The following UBXN7 variants were observed in gnomAD, a reference collection of about 807,000 sequenced individuals.
The protein encoded by UBXN7 is UBX domain-containing protein 7.
A neutral mutation model predicts 58.0 loss-of-function variants in UBXN7; 9 were observed. The observed-to-expected ratio is 0.16, with a 90% CI of 0.09 to 0.27. The LOEUF is 0.27. UBXN7 is among the 10% of genes least tolerant of loss of function. The pLI is 1.00. For missense variants in UBXN7, 328 were observed against 599.6 expected (o/e 0.55, Z 4.73); for synonymous variants, 208 against 205.0 (o/e 1.01, Z -0.12).
chr3:196,348,661 C>T lies in UBXN7; in HGVS notation c.*8024G>A, dbSNP rs1728139465. The T allele has an allele frequency of 6.6e-6, 1 of 152,160 alleles. No homozygotes were observed. The allele number at this position is 152,160 out of a possible 1,614,324, so 9.4% of individuals were successfully genotyped here. ...ACTCAAGCCCCCAACCCACCCTCAT[C>T]ATCCCTATCCCCCTAGAAATTTCAT... On this transcript the variant is annotated 3_prime_UTR_variant, in exon 11 of 11. Transcript: ENST00000296328.
rs781238331 is a variant in UBXN7 at position 196,374,213 on chromosome 3, G to GA, written c.469-2172dup. On this transcript the variant is annotated intron_variant, in intron 5 of 10. Transcript: ENST00000296328. ...AAGTCTGCCCCAAAAACAATGACAA[G>GA]AAAAAAATGTACAAAACTGAAAATG... Among the ~76,000 whole-genome samples, 8 of 150,682 alleles carry GA rather than the reference G, an allele frequency of 5.3e-5. No homozygotes were observed. The East Asian group carries it at 1.6e-3, about 29-fold the overall frequency.
At chr3:196,373,729 A>C (rs1029812516) in intron 5 of UBXN7, among the ~76,000 whole-genome samples, 2 of 151,726 alleles carry the variant, frequency 1.3e-5, no homozygotes, top group Admixed American at 1.3e-4. Flanking sequence ...TTTGTTGTTT[A>C]TATTTTTTGT....
At chr3:196,397,013 T>TA (rs1445683846) in intron 3 of UBXN7, among the ~76,000 whole-genome samples, 1 of 152,176 alleles carries the variant, frequency 6.6e-6, no homozygotes, top group Non-Finnish European at 1.5e-5. Context: ...CTTGGGCTAA[T>TA]AACCCTCTTC....
In UBXN7 at chr3:196,391,867, A is replaced by C. The variant is rs776063488; in HGVS notation, c.414T>G (p.Leu138=). ...CAATGGGTGGCCGGAATAGATCTGC[A>C]AGGGTAGTTAATTTCTTATCGATAG... The part of the protein sequence containing the change: ...GGAIDKKLTT[L]ADLFRPPIDL... The change falls in exon 5 of 11, where the codon CTT becomes CTG. Residue 138 remains leucine (L), a synonymous_variant. Coordinates refer to ENST00000296328, the MANE Select transcript of UBXN7 (RefSeq NM_015562.2). 3 of 1,613,352 alleles carry C rather than the reference A, an allele frequency of 1.9e-6. No homozygotes were observed. Among genetic ancestry groups the C allele is most frequent in the Non-Finnish European group, 2.5e-6 (3 of 1,179,750 alleles).
chr3:196,362,819 G>C (rs1728540079), intron 8 of UBXN7, 132 bp from the exon 9 acceptor site: 1 of 1,178,296 alleles, frequency 8.5e-7, no homozygotes, highest in East Asian at 2.4e-5. Flanking sequence ...TACTTTAAGA[G>C]CAAGGACTGT....
At chr3:196,414,960 G>T (rs1469166796) in intron 1 of UBXN7, among the ~76,000 whole-genome samples, 2 of 152,080 alleles carry the variant, frequency 1.3e-5, no homozygotes, top group Non-Finnish European at 2.9e-5. Context: ...GAAAGGAAAA[G>T]TTCTAATATC....
At chr3:196,390,452 T>C (rs1471458146) in intron 5 of UBXN7, among the ~76,000 whole-genome samples, 2 of 151,968 alleles carry the variant, frequency 1.3e-5, no homozygotes, top group Non-Finnish European at 2.9e-5. Flanking sequence ...AGGTAAGACT[T>C]AACTGAAGGC....
intron 8 of UBXN7, among the ~76,000 whole-genome samples, chr3:196,363,980 A>G (rs1169637132): frequency 2.0e-5 from 3 of 152,130 alleles, no homozygotes; most frequent in Non-Finnish European, 2.9e-5. Flanking sequence ...TTACCTGCCT[A>G]GAGAAAGACA....
intron 1 of UBXN7, among the ~76,000 whole-genome samples, chr3:196,408,912 G>C (rs4130659): frequency 0.077 from 11,647 of 152,172 alleles, 526 homozygotes; most frequent in Middle Eastern, 0.15. Flanking sequence ...GAATTCAATG[G>C]ACTTCTACCA....
intron 5 of UBXN7, among the ~76,000 whole-genome samples, chr3:196,389,809 C>T (rs549733668): frequency 1.3e-5 from 2 of 152,282 alleles, no homozygotes; most frequent in South Asian, 4.1e-4. Context: ...CACAAGCTTA[C>T]ATTGAAATTC....
chr3:196,390,540 G>C (rs539383889), intron 5 of UBXN7, among the ~76,000 whole-genome samples: 3 of 152,074 alleles, frequency 2.0e-5, no homozygotes, highest in African/African-American at 7.2e-5. Context: ...AGGAGTTTGA[G>C]ACCAGCCTGG....
At chr3:196,377,886 G>A (rs1469621149) in intron 5 of UBXN7, among the ~76,000 whole-genome samples, 4 of 151,990 alleles carry the variant, frequency 2.6e-5, no homozygotes, top group African/African-American at 7.2e-5. Context: ...TGCCCAGGCT[G>A]GTCTCGAACT....
chr3:196,357,618 T>C (rs1728386040), intron 10 of UBXN7, among the ~76,000 whole-genome samples: 1 of 152,002 alleles, frequency 6.6e-6, no homozygotes. Flanking sequence ...TCAAAAAATA[T>C]GGGCCAGGCA....
intron 1 of UBXN7, among the ~76,000 whole-genome samples, chr3:196,424,529 C>T (rs2108626440): frequency 6.6e-6 from 1 of 151,302 alleles, no homozygotes; most frequent in Non-Finnish European, 1.5e-5. Flanking sequence ...ATTACAGGTG[C>T]ACACCACCAG....
chr3:196,365,342 T>C (rs1728634997), intron 8 of UBXN7, among the ~76,000 whole-genome samples: 1 of 146,804 alleles, frequency 6.8e-6, no homozygotes, highest in South Asian at 2.1e-4. Flanking sequence ...AGAAAGCAAA[T>C]ACAATAGAGA....
At chr3:196,374,515 T>C (rs1051017495) in intron 5 of UBXN7, among the ~76,000 whole-genome samples, 1 of 151,880 alleles carries the variant, frequency 6.6e-6, no homozygotes, top group South Asian at 2.1e-4. Flanking sequence ...TGTTAAAAAA[T>C]TGTTACTGCT....
intron 5 of UBXN7, among the ~76,000 whole-genome samples, chr3:196,387,089 T>C (rs1729429446): frequency 6.6e-6 from 1 of 151,928 alleles, no homozygotes; most frequent in East Asian, 1.9e-4. Flanking sequence ...CCAAAACAGA[T>C]ATACAGACCA....
intron 2 of UBXN7, among the ~76,000 whole-genome samples, chr3:196,404,005 T>C (rs1433430138): frequency 6.6e-6 from 1 of 151,806 alleles, no homozygotes; most frequent in African/African-American, 2.4e-5. Context: ...TCCCAGTACT[T>C]TGGGAGAGGA....
intron 4 of UBXN7, among the ~76,000 whole-genome samples, chr3:196,392,392 C>T (rs1577456245): frequency 6.6e-6 from 1 of 151,852 alleles, no homozygotes. Flanking sequence ...GTAATCCCAG[C>T]TACTCGGGAG....
Sources: gnomAD v4.1 joint callset for allele counts (sites outside exome capture counted in the v4.1 genomes callset) on GRCh38, gnomAD v4.1.1 for gene constraint, MANE v1.5 for transcripts, NCBI Gene and HGNC (gene_info 2026-07-23, HGNC 2026-07-21) for gene names.